The following DACH2 variants were observed in gnomAD, a reference collection of about 807,000 sequenced individuals.
DACH2 encodes the protein dachshund homolog 2.
In DACH2, 17 loss-of-function variants were observed where a neutral mutation model predicts 35.8. The observed-to-expected ratio is 0.48, with a 90% confidence interval of 0.33 to 0.71. The LOEUF is 0.71. DACH2 is among the 30% of genes least tolerant of loss of function. The probability of loss-of-function intolerance (pLI) is 0.02; values close to 1 mark genes in which losing one functional copy is unlikely to be tolerated. For missense variants in DACH2, 469 were observed against 472.7 expected (o/e 0.99, Z 0.07); for synonymous variants, 195 against 177.3 (o/e 1.10, Z -0.79).
intron 7 of DACH2, among the ~76,000 whole-genome samples, chrX:86,765,058 C>T (rs756602327): frequency 9.0e-6 from 1 of 111,255 alleles, no homozygotes; most frequent in East Asian, 2.8e-4. Flanking sequence ...TGTCCTTTTC[C>T]CATTTTTAAG....
intron 2 of DACH2, among the ~76,000 whole-genome samples, chrX:86,439,771 T>C: frequency 8.9e-6 from 1 of 111,895 alleles, no homozygotes. Flanking sequence ...GCTGTAAATT[T>C]CCTTCTAAGC....
chrX:86,705,647 T>A (rs2041207670), intron 5 of DACH2, among the ~76,000 whole-genome samples: 1 of 111,536 alleles, frequency 9.0e-6, no homozygotes, highest in African/African-American at 3.3e-5. Flanking sequence ...CTGATGGGAA[T>A]GTAATTTAGT....
intron 3 of DACH2, among the ~76,000 whole-genome samples, chrX:86,608,107 C>T (rs2039884108): frequency 9.1e-6 from 1 of 110,412 alleles, no homozygotes; most frequent in Non-Finnish European, 1.9e-5. Flanking sequence ...TGGGTATATA[C>T]CCAGTAATGG....
At chrX:86,158,338 G>A (rs1461045516) in intron 1 of DACH2, among the ~76,000 whole-genome samples, 1 of 111,399 alleles carries the variant, frequency 9.0e-6, no homozygotes, top group Non-Finnish European at 1.9e-5. Flanking sequence ...TTGGGACAAG[G>A]TCTGGCTCTG....
chrX:86,739,435 T>C (rs922436442), intron 6 of DACH2, among the ~76,000 whole-genome samples: 1 of 111,194 alleles, frequency 9.0e-6, no homozygotes, highest in East Asian at 2.8e-4. Context: ...ACAATAACAA[T>C]AACCTTCAAA....
At chrX:86,443,644 A>G (rs192104946) in intron 2 of DACH2, among the ~76,000 whole-genome samples, 1 of 111,307 alleles carries the variant, frequency 9.0e-6, no homozygotes, top group East Asian at 2.8e-4. Context: ...TGTAAACTAC[A>G]GATTAGTCAT....
chrX:86,359,399 T>C (rs922892183), intron 1 of DACH2, among the ~76,000 whole-genome samples: 21 of 111,163 alleles, frequency 1.9e-4, no homozygotes, highest in East Asian at 2.8e-4. Flanking sequence ...GAGTGCACGA[T>C]TTTCTAATAG....
chrX:86,296,599 A>G (rs1404246668), intron 1 of DACH2, among the ~76,000 whole-genome samples: 1 of 110,974 alleles, frequency 9.0e-6, no homozygotes, highest in African/African-American at 3.3e-5. Context: ...TTTCATTATT[A>G]GACCCTCTTT....
At chrX:86,721,831 T>A (rs1235171260) in intron 6 of DACH2, among the ~76,000 whole-genome samples, 2 of 111,521 alleles carry the variant, frequency 1.8e-5, no homozygotes, top group Admixed American at 1.9e-4. Context: ...AGAAAGCAGC[T>A]CTTCACGGGG....
chrX:86,653,808 A>G (rs943595355), intron 4 of DACH2, among the ~76,000 whole-genome samples: 10 of 108,364 alleles, frequency 9.2e-5, no homozygotes, highest in African/African-American at 3.4e-4. Context: ...CTGAGATTAC[A>G]GGTACCCATC....
At chrX:86,450,928 G>T (rs1421879994) in intron 2 of DACH2, among the ~76,000 whole-genome samples, 1 of 110,516 alleles carries the variant, frequency 9.0e-6, no homozygotes, top group East Asian at 2.8e-4. Context: ...TTTTTTTCTT[G>T]TAAATAATTT....
chrX:86,810,699 C>A (rs768851654), intron 7 of DACH2, among the ~76,000 whole-genome samples: 1 of 111,164 alleles, frequency 9.0e-6, no homozygotes, highest in East Asian at 2.8e-4. Flanking sequence ...CCTTAGAAAC[C>A]TTAGATCTGC....
At chrX:86,725,088 A>C (rs751948936) in intron 6 of DACH2, among the ~76,000 whole-genome samples, 28 of 108,370 alleles carry the variant, frequency 2.6e-4, no homozygotes, top group African/African-American at 8.7e-4. Context: ...TCCTGAATTG[A>C]TTCTCCAATT....
At chrX:86,715,417 C>T (rs1347582003) in intron 6 of DACH2, among the ~76,000 whole-genome samples, 1 of 111,179 alleles carries the variant, frequency 9.0e-6, no homozygotes, top group Non-Finnish European at 1.9e-5. Flanking sequence ...TCTTTTTCCT[C>T]TTAGTTTGGC....
At chrX:86,783,932 CACA>C (rs1336253649) in intron 7 of DACH2, among the ~76,000 whole-genome samples, 2 of 110,477 alleles carry the variant, frequency 1.8e-5, no homozygotes, top group Non-Finnish European at 3.8e-5. Flanking sequence ...TATTTGATAG[CACA>C]ACAAGATGAC....
chrX:86,572,813 A>T (rs2039388214), intron 3 of DACH2, among the ~76,000 whole-genome samples: 1 of 110,330 alleles, frequency 9.1e-6, no homozygotes, highest in South Asian at 3.9e-4. Flanking sequence ...CTAATTTTAA[A>T]CTCTTATTAC....
At chrX:86,705,029 T>TATATATATATATATATCTCAA (rs2041196199) in intron 5 of DACH2, among the ~76,000 whole-genome samples, 1 of 83,689 alleles carries the variant, frequency 1.2e-5, no homozygotes, top group Admixed American at 1.2e-4. Flanking sequence ...CAGAAATTGT[T>TATATATATATATATATCTCAA]ATATATATAT....
At chrX:86,618,023 C>T (rs181077667) in intron 3 of DACH2, among the ~76,000 whole-genome samples, 2 of 111,912 alleles carry the variant, frequency 1.8e-5, no homozygotes, top group Admixed American at 9.5e-5. Flanking sequence ...TGCCTGTAAT[C>T]CTGGGTAGTT....
intron 7 of DACH2, among the ~76,000 whole-genome samples, chrX:86,788,505 T>C (rs1303065489): frequency 8.9e-6 from 1 of 112,214 alleles, no homozygotes; most frequent in Non-Finnish European, 1.9e-5. Context: ...ACATGTTGCA[T>C]GTCTTTTCAC....
Sources: allele counts gnomAD v4.1 joint callset (sites outside exome capture counted in the v4.1 genomes callset), GRCh38; gene constraint gnomAD v4.1.1; transcripts MANE v1.5; gene names NCBI Gene and HGNC (gene_info 2026-07-23, HGNC 2026-07-21).